The following ENTREP2 variants were observed in gnomAD, a reference collection of about 807,000 sequenced individuals.
ENTREP2 encodes protein ENTREP2.
chr15:29,424,070 G>A, the ENTREP2 span, among the ~76,000 whole-genome samples: 4 of 152,192 alleles, frequency 2.6e-5, no homozygotes, highest in Non-Finnish European at 4.4e-5. Flanking sequence ...TTTCAGATGC[G>A]TCTGGAACTT....
the ENTREP2 span, among the ~76,000 whole-genome samples, chr15:29,571,177 T>G: frequency 1.3e-5 from 2 of 151,632 alleles, no homozygotes; most frequent in East Asian, 3.9e-4. Flanking sequence ...GGTCCTGGCG[T>G]CCCAGCCTCC....
At chr15:29,473,539 AC>A in the ENTREP2 span, among the ~76,000 whole-genome samples, 1 of 152,220 alleles carries the variant, frequency 6.6e-6, no homozygotes, top group East Asian at 1.9e-4. Flanking sequence ...ATTTTTAAAC[AC>A]CGCATGAGCT....
At chr15:29,478,006 TA>T in the ENTREP2 span, among the ~76,000 whole-genome samples, 587 of 76,892 alleles carry the variant, frequency 7.6e-3, 8 homozygotes, top group African/African-American at 0.025. Context: ...TATATATATA[TA>T]TATATATATA....
chr15:29,423,884 C>T, the ENTREP2 span, among the ~76,000 whole-genome samples: 2 of 152,174 alleles, frequency 1.3e-5, no homozygotes, highest in Admixed American at 6.5e-5. Flanking sequence ...TGTGGACACC[C>T]ATCCTCCAAT....
At chr15:29,133,081 G>A in the ENTREP2 span, among the ~76,000 whole-genome samples, 2 of 152,142 alleles carry the variant, frequency 1.3e-5, no homozygotes, top group Non-Finnish European at 2.9e-5. Flanking sequence ...ACAGCATGGA[G>A]CTTCCCATTG....
chr15:29,621,952 T>C, the ENTREP2 span, among the ~76,000 whole-genome samples: 1 of 152,194 alleles, frequency 6.6e-6, no homozygotes, highest in Non-Finnish European at 1.5e-5. Flanking sequence ...CTAAGTGAAA[T>C]GAGCTAATCA....
chr15:29,163,265 C>T, the ENTREP2 span, among the ~76,000 whole-genome samples: 3 of 152,016 alleles, frequency 2.0e-5, no homozygotes, highest in African/African-American at 7.2e-5. Flanking sequence ...TGAACAGCAC[C>T]CCCCAAAATC....
the ENTREP2 span, among the ~76,000 whole-genome samples, chr15:29,427,308 C>T: frequency 6.6e-6 from 1 of 152,148 alleles, no homozygotes; most frequent in Admixed American, 6.5e-5. Flanking sequence ...GGGTTGAAAA[C>T]GAAGACTGCC....
chr15:29,653,753 T>A, the ENTREP2 span, among the ~76,000 whole-genome samples: 1 of 152,236 alleles, frequency 6.6e-6, no homozygotes, highest in Non-Finnish European at 1.5e-5. Flanking sequence ...TTTACAGCAG[T>A]GTGAAAATGG....
the ENTREP2 span, among the ~76,000 whole-genome samples, chr15:29,174,625 T>G: frequency 0.056 from 8,489 of 150,900 alleles, 821 homozygotes; most frequent in African/African-American, 0.2. Flanking sequence ...GGAGGCGGGG[T>G]CTTGCAGTGA....
At chr15:29,444,595 T>C in the ENTREP2 span, among the ~76,000 whole-genome samples, 29 of 151,766 alleles carry the variant, frequency 1.9e-4, no homozygotes, top group African/African-American at 6.8e-4. Context: ...GCCTCCCGAA[T>C]ACCTGGCACT....
the ENTREP2 span, among the ~76,000 whole-genome samples, chr15:29,553,933 A>G: frequency 2.0e-5 from 3 of 152,284 alleles, no homozygotes; most frequent in Admixed American, 2.0e-4. Flanking sequence ...CACCAACAAG[A>G]TTATAAACAA....
chr15:29,552,117 C>T, the ENTREP2 span, among the ~76,000 whole-genome samples: 1 of 152,256 alleles, frequency 6.6e-6, no homozygotes, highest in East Asian at 1.9e-4. Context: ...GCCTTCCTTT[C>T]CTCTCCCCAT....
At chr15:29,342,842 AG>A in the ENTREP2 span, among the ~76,000 whole-genome samples, 2 of 152,192 alleles carry the variant, frequency 1.3e-5, no homozygotes, top group East Asian at 3.9e-4. Context: ...TCTAGAATGC[AG>A]GAACTATTCA....
chr15:29,404,191 C>T, the ENTREP2 span, among the ~76,000 whole-genome samples: 2 of 152,034 alleles, frequency 1.3e-5, no homozygotes, highest in African/African-American at 4.8e-5. Flanking sequence ...TGATGATAGC[C>T]CCGGTGAAAA....
At chr15:29,155,260 C>G in the ENTREP2 span, among the ~76,000 whole-genome samples, 1 of 144,066 alleles carries the variant, frequency 6.9e-6, no homozygotes, top group Non-Finnish European at 1.5e-5. Flanking sequence ...CCAGCCTGGG[C>G]AACAGAACGA....
the ENTREP2 span, among the ~76,000 whole-genome samples, chr15:29,446,780 C>CCCACTCCTA: frequency 6.6e-6 from 1 of 152,206 alleles, no homozygotes; most frequent in Non-Finnish European, 1.5e-5. Flanking sequence ...CCTGCCTTTT[C>CCCACTCCTA]CCACTCCTAG....
chr15:29,338,443 A>G, the ENTREP2 span, among the ~76,000 whole-genome samples: 6 of 149,994 alleles, frequency 4.0e-5, no homozygotes, highest in African/African-American at 7.4e-5. Flanking sequence ...AAAAAAAAAG[A>G]AAAGAAAAAA....
the ENTREP2 span, among the ~76,000 whole-genome samples, chr15:29,293,446 C>T: frequency 2.7e-4 from 40 of 150,902 alleles, no homozygotes; most frequent in African/African-American, 6.5e-4. Context: ...TTAGTAGAGA[C>T]AGGGTTTCAC....
Sources: gnomAD v4.1 joint callset for allele counts (sites outside exome capture counted in the v4.1 genomes callset) on GRCh38, gnomAD v4.1.1 for gene constraint, MANE v1.5 for transcripts, NCBI Gene and HGNC (gene_info 2026-07-23, HGNC 2026-07-21) for gene names.